PSPH: variants seen among roughly 807,000 people sequenced by gnomAD.
The protein encoded by PSPH is L-3-phosphoserine phosphatase.
Under a neutral mutation model 23.4 loss-of-function variants are expected in PSPH, and 16 were observed. The ratio of observed to expected loss-of-function variants is 0.68; its 90% CI spans 0.46 to 1.04. The LOEUF (loss-of-function observed/expected upper bound fraction) is 1.04, where lower values mean the gene tolerates loss of function less well. Ranked by LOEUF, PSPH falls within the 50% of genes least tolerant of loss-of-function variation. The probability of loss-of-function intolerance (pLI) is 0.00; values close to 1 mark genes in which losing one functional copy is unlikely to be tolerated. For missense variants in PSPH, 223 were observed against 273.7 expected (o/e 0.81, Z 1.31); for synonymous variants, 68 against 99.7 (o/e 0.68, Z 1.89).
intron 1 of PSPH, among the ~76,000 whole-genome samples, chr7:56,038,195 T>A (rs561249139): frequency 3.3e-5 from 5 of 151,062 alleles, no homozygotes; most frequent in Non-Finnish European, 5.9e-5. Flanking sequence ...TCCCAGCACT[T>A]TGGGAGGCCG....
chr7:56,020,453 C>T (rs1231314674), intron 4 of PSPH, among the ~76,000 whole-genome samples: 1 of 151,642 alleles, frequency 6.6e-6, no homozygotes, highest in Non-Finnish European at 1.5e-5. Context: ...GGTGAAACCC[C>T]ATCTCTACTA....
chr7:56,034,217 C>T (rs1328850527), intron 1 of PSPH, 111 bp from the exon 2 acceptor site: 1 of 152,332 alleles, frequency 6.6e-6, no homozygotes, highest in Non-Finnish European at 1.5e-5. Context: ...GGCCCCGCCC[C>T]AGGGGAGGGG....
At chr7:56,030,596 A>G (rs1453541482) in intron 3 of PSPH, among the ~76,000 whole-genome samples, 1 of 152,028 alleles carries the variant, frequency 6.6e-6, no homozygotes, top group Admixed American at 6.6e-5. Context: ...GGATACAAAG[A>G]CGGGAAAAAC....
intron 1 of PSPH, among the ~76,000 whole-genome samples, chr7:56,045,509 A>G (rs1337149708): frequency 6.6e-6 from 1 of 151,996 alleles, no homozygotes; most frequent in Non-Finnish European, 1.5e-5. Context: ...ACCACTTGCA[A>G]ATGGTTAGGT....
At chr7:56,029,149 T>C (rs1228907782) in intron 3 of PSPH, among the ~76,000 whole-genome samples, 5 of 151,802 alleles carry the variant, frequency 3.3e-5, no homozygotes, top group Non-Finnish European at 7.4e-5. Context: ...CCACCAGGAG[T>C]GACTCACAAT....
chr7:56,025,713 C>T lies in PSPH; in HGVS notation c.-19-4482G>A, dbSNP rs142316048. On this transcript the variant is annotated intron_variant, in intron 3 of 7. Coordinates refer to ENST00000275605, the MANE Select transcript of PSPH (RefSeq NM_004577.4). ...GGTTCAAGCAATTCTCCTCCCTCAG[C>T]GTTCTGAGTAGTTGAGACTATAGGC... Among the ~76,000 whole-genome samples the T allele has an allele frequency of 8.2e-4, 125 of 152,230 alleles. 1 individual carries two copies. In the South Asian group the frequency reaches 0.016, roughly 19 times the overall value.
rs148527754 is a variant in PSPH, at chr7:56,049,839, C to T, written c.-292+1299G>A. Among the ~76,000 whole-genome samples the T allele has an allele frequency of 7.8e-3, 1,185 of 151,826 alleles. 19 individuals are homozygous for T. The highest frequency in any genetic ancestry group is 0.027 in the African/African-American group (1,111 of 41,368). ...CACTGCAACCTCTGCTTCCTGAGTT[C>T]AAGCAATTCTCATGCCTCAGCCTCC... is the stretch of plus-strand genomic sequence containing the variant. On this transcript the variant is annotated intron_variant, in intron 1 of 7. Coordinates refer to ENST00000275605, the MANE Select transcript of PSPH (RefSeq NM_004577.4).
intron 3 of PSPH, among the ~76,000 whole-genome samples, chr7:56,024,607 G>T (rs1349029859): frequency 6.6e-6 from 1 of 151,462 alleles, no homozygotes; most frequent in Non-Finnish European, 1.5e-5. Context: ...AATTAGCCAG[G>T]TGTAGTGGCA....
At position 56,011,589 on chromosome 7, in the gene PSPH, T is replaced by TA. The variant is rs71015155; in HGVS notation, c.*172dup. 7.8e-3 allele frequency: 3,710 copies of TA among 474,292 alleles called. No individual in the cohort carries two copies. The highest frequency in any genetic ancestry group is 0.012 in the Middle Eastern group (21 of 1,702). 29.4% of individuals were successfully genotyped at this position (474,292 alleles called of 1,614,324 possible). ...CATCATATAATACTGGAACTACAGT[T>TA]AAAAAAAAAAAAAAAGCAATCTTCT... On this transcript the variant is annotated 3_prime_UTR_variant, in exon 8 of 8. Coordinates refer to ENST00000275605, the MANE Select transcript of PSPH (RefSeq NM_004577.4).
intron 3 of PSPH, among the ~76,000 whole-genome samples, chr7:56,025,825 C>T (rs1790114196): frequency 6.6e-6 from 1 of 152,142 alleles, no homozygotes; most frequent in Non-Finnish European, 1.5e-5. Flanking sequence ...AATTCCTGAC[C>T]TCAGGCAATC....
At chr7:56,031,310 A>G (rs1429132816) in intron 3 of PSPH, among the ~76,000 whole-genome samples, 1 of 152,176 alleles carries the variant, frequency 6.6e-6, no homozygotes, top group African/African-American at 2.4e-5. Context: ...GAAACTACCT[A>G]CTGGGTACTG....
rs546458872 is a variant in PSPH at position 56,040,438 on chromosome 7, G to A, written c.-291-6332C>T. Reference sequence around the variant, plus strand: ...CAGGGTCTGGCTCTGTCTCTGTCCAGGCTGGAGTTCCGTGGTGTAATCTCA... The same window carrying A: ...CAGGGTCTGGCTCTGTCTCTGTCCAAGCTGGAGTTCCGTGGTGTAATCTCA... On this transcript the variant is annotated intron_variant, in intron 1 of 7. Transcript: ENST00000275605. 3.9e-5 allele frequency among the ~76,000 whole-genome samples: 6 copies of A among 151,934 alleles called. No individual in the cohort carries two copies. In the East Asian group the frequency reaches 1.2e-3, roughly 29 times the overall value.
intron 1 of PSPH, among the ~76,000 whole-genome samples, chr7:56,049,380 GTTAT>G (rs948119082): frequency 1.3e-5 from 2 of 152,062 alleles, no homozygotes; most frequent in African/African-American, 4.8e-5. Context: ...TCTTATACAT[GTTAT>G]TTAAATTGTT....
chr7:56,018,812 A>T (rs1788934657), intron 5 of PSPH, among the ~76,000 whole-genome samples: 1 of 145,836 alleles, frequency 6.9e-6, no homozygotes, highest in African/African-American at 2.5e-5. Flanking sequence ...CAGAAAATTA[A>T]AAAAAAAAAA....
In PSPH at chr7:56,019,638, G is replaced by C; in HGVS notation, c.237C>G (p.Leu79=). ...IQPSREQVQR[L]IAEQPPHLTP... Reference sequence around the variant, plus strand: ...TCAGGTGTGGGGGTTGCTCTGCTATGAGTCTCTGCACCTGCTCCCTGGAGG... The same window carrying C: ...TCAGGTGTGGGGGTTGCTCTGCTATCAGTCTCTGCACCTGCTCCCTGGAGG... Residue 79 remains leucine (L), a synonymous_variant, in exon 5 of 8, where the codon CTC becomes CTG. Coordinates refer to ENST00000275605, the MANE Select transcript of PSPH (RefSeq NM_004577.4). 1.2e-6 allele frequency: 2 copies of C among 1,613,966 alleles called. No homozygotes were observed. Among genetic ancestry groups the C allele is most frequent in the Non-Finnish European group, 1.7e-6 (2 of 1,179,910 alleles).
intron 6 of PSPH, among the ~76,000 whole-genome samples, chr7:56,015,392 G>A (rs930225157): frequency 2.0e-5 from 3 of 152,030 alleles, no homozygotes; most frequent in African/African-American, 7.2e-5. Flanking sequence ...TATAGAAATG[G>A]GGTCTTGGTA....
rs935315768 is a variant in PSPH at position 56,021,142 on chromosome 7, G to A, written c.71C>T (p.Thr24Met). 12 of 1,614,052 alleles carry A rather than the reference G, an allele frequency of 7.4e-6. No homozygotes were observed. The highest frequency in any genetic ancestry group is 3.3e-5 in the Admixed American group (2 of 59,988). The change falls in exon 4 of 8, where the codon ACG becomes ATG. Residue 24 changes from threonine (T) to methionine (M), a missense_variant. Physicochemically the swap from Thr to Met is moderately conservative, Grantham distance 81. Coordinates refer to ENST00000275605, the MANE Select transcript of PSPH (RefSeq NM_004577.4). ...ATCGATTCCTTCTTCTCTGATGACC[G>A]TGCTGTCAACATCAAAACACACAGC... ...ADAVCFDVDS[T>M]VIREEGIDEL... is the part of the protein sequence containing the mutation.
intron 1 of PSPH, among the ~76,000 whole-genome samples, chr7:56,049,817 T>C (rs559819284): frequency 6.6e-6 from 1 of 152,008 alleles, no homozygotes; most frequent in Admixed American, 6.6e-5. Context: ...CTCGGCTCAC[T>C]GCAACCTCTG....
chr7:56,027,566 A>G (rs1790378494), intron 3 of PSPH, among the ~76,000 whole-genome samples: 1 of 150,692 alleles, frequency 6.6e-6, no homozygotes, highest in African/African-American at 2.4e-5. Flanking sequence ...AGGTGCCTGT[A>G]ATCCCAGCTA....
Sources: gnomAD v4.1 joint callset for allele counts (sites outside exome capture counted in the v4.1 genomes callset) on GRCh38, gnomAD v4.1.1 for gene constraint, MANE v1.5 for transcripts, NCBI Gene and HGNC (gene_info 2026-07-23, HGNC 2026-07-21) for gene names.